The following PNKD variants were observed in gnomAD, a reference collection of about 807,000 sequenced individuals.
The protein encoded by PNKD is probable thioesterase PNKD.
In PNKD, 36 loss-of-function variants were observed where a neutral mutation model predicts 45.3. That is an observed-to-expected ratio of 0.80 (90% CI 0.61 to 1.05). The LOEUF is 1.05. Ranked by LOEUF, PNKD falls within the 50% of genes least tolerant of loss-of-function variation. The probability of loss-of-function intolerance (pLI) is 0.00; values close to 1 mark genes in which losing one functional copy is unlikely to be tolerated. For synonymous variants in PNKD, 197 were observed against 210.1 expected (o/e 0.94, Z 0.54); for missense variants, 511 against 506.6 (o/e 1.01, Z -0.08).
chr2:218,275,528 CTG>C (rs1691101117), intron 2 of PNKD: 1 of 1,614,152 alleles, frequency 6.2e-7, no homozygotes, highest in South Asian at 1.1e-5. Context: ...TAGATGATGT[CTG>C]TGTAAATCTG....
chr2:218,342,698 A>G (rs979956208), intron 7 of PNKD, among the ~76,000 whole-genome samples: 1 of 152,076 alleles, frequency 6.6e-6, no homozygotes, highest in Non-Finnish European at 1.5e-5. Context: ...AGACTCTGTC[A>G]CAAAACAGAA....
At chr2:218,301,383 A>C (rs778948909) in intron 2 of PNKD, among the ~76,000 whole-genome samples, 1 of 152,162 alleles carries the variant, frequency 6.6e-6, no homozygotes, top group Non-Finnish European at 1.5e-5. Flanking sequence ...CGTTCCATTT[A>C]CTTTTAACAA....
At chr2:218,290,429 C>G (rs1692858497) in intron 2 of PNKD, among the ~76,000 whole-genome samples, 2 of 152,230 alleles carry the variant, frequency 1.3e-5, no homozygotes, top group Admixed American at 6.5e-5. Context: ...CTTATAACCT[C>G]TGTGCGTACA....
chr2:218,341,742 T>G (rs1208542416), intron 6 of PNKD, 116 bp downstream of exon 6: 1 of 852,426 alleles, frequency 1.2e-6, no homozygotes, highest in Non-Finnish European at 2.0e-6. Context: ...GTGCCCTTCC[T>G]GGCCCAATCC....
chr2:218,270,618 C>G lies in PNKD; in HGVS notation c.67+16C>G, dbSNP rs974978157. ...GTCCTCCGGGGTAAGGAGAGGGACC[C>G]CGGGGAGGGCAGGACTGCAGAAGAT... On this transcript the variant is annotated intron_variant, in intron 1 of 9. Transcript: ENST00000273077. 11 of 836,606 alleles carry G rather than the reference C, an allele frequency of 1.3e-5. No individual in the cohort carries two copies. Among genetic ancestry groups the G allele is most frequent in the African/African-American group, 3.5e-5 (2 of 56,792 alleles). The allele number at this position is 836,606 out of a possible 1,614,324, so 51.8% of individuals were successfully genotyped here. A position where few individuals can be genotyped will look rare whatever the true frequency, so the allele number is the denominator to read the frequency against.
intron 2 of PNKD, chr2:218,323,530 T>C: frequency 7.2e-6 from 8 of 1,116,610 alleles, no homozygotes; most frequent in Non-Finnish European, 9.6e-6. Flanking sequence ...GGCGTGGCGG[T>C]TAGGAAGGGG....
chr2:218,319,578 A>G (rs2891075), intron 2 of PNKD, among the ~76,000 whole-genome samples: 89,586 of 150,968 alleles, frequency 0.59, 26,904 homozygotes, highest in South Asian at 0.68. Context: ...GTTTCACTGT[A>G]TTGGTCAGGC....
chr2:218,335,866 C>G (rs1266348082), intron 2 of PNKD, among the ~76,000 whole-genome samples: 1 of 152,170 alleles, frequency 6.6e-6, no homozygotes, highest in Non-Finnish European at 1.5e-5. Context: ...TAGCTCTCCC[C>G]TTAGGGGTCT....
At chr2:218,283,518 G>A (rs540619553) in intron 2 of PNKD, among the ~76,000 whole-genome samples, 2 of 152,242 alleles carry the variant, frequency 1.3e-5, no homozygotes, top group South Asian at 2.1e-4. Context: ...GTCTGGGCTC[G>A]ACAGGGCCAC....
At chr2:218,280,595 C>T (rs906197504) in intron 2 of PNKD, 23 of 214,512 alleles carry the variant, frequency 1.1e-4, no homozygotes, top group African/African-American at 2.8e-4. Context: ...AAAGGGTGTG[C>T]GTGACTGTGC....
intron 2 of PNKD, chr2:218,277,357 T>C (rs755384699): frequency 6.2e-7 from 1 of 1,612,628 alleles, no homozygotes; most frequent in Non-Finnish European, 8.5e-7. Flanking sequence ...GGGCCCTCCA[T>C]GCCCTCACCT....
chr2:218,341,584 G>A lies in PNKD; in HGVS notation c.575G>A (p.Arg192Gln), dbSNP rs777805823. ...CTCAGCCGGCGGCACCGGGACTGTC[G>A]GGTGTACGGGAGCCCTCAGGACGGC... ...RDLSRRHRDCRVYGSPQDGIP... is the reference protein window; with the variant it reads ...RDLSRRHRDCQVYGSPQDGIP... Residue 192 changes from arginine to glutamine, a missense_variant, in exon 6 of 10, where the codon CGG becomes CAG. By Grantham distance (43) the Arg-to-Gln change is conservative. Transcript: ENST00000273077. 8.8e-6 allele frequency: 14 copies of A among 1,597,720 alleles called. No homozygotes were observed. The highest frequency in any genetic ancestry group is 2.3e-5 in the East Asian group (1 of 43,930).
chr2:218,330,397 C>T (rs1404933313), intron 2 of PNKD, among the ~76,000 whole-genome samples: 1 of 152,226 alleles, frequency 6.6e-6, no homozygotes, highest in Non-Finnish European at 1.5e-5. Flanking sequence ...CAGTGGCTCA[C>T]TGTCCCCAGC....
intron 2 of PNKD, among the ~76,000 whole-genome samples, chr2:218,337,663 T>C (rs1263531525): frequency 6.6e-6 from 1 of 152,152 alleles, no homozygotes; most frequent in Non-Finnish European, 1.5e-5. Context: ...GCCTTGTACT[T>C]GCTTTGAGTC....
chr2:218,302,750 C>T (rs970854941), intron 2 of PNKD, among the ~76,000 whole-genome samples: 4 of 152,116 alleles, frequency 2.6e-5, no homozygotes, highest in Admixed American at 6.6e-5. Flanking sequence ...GCGACTATGG[C>T]CCTTGACACA....
chr2:218,330,283 C>CTTCT (rs1338555281), intron 2 of PNKD, among the ~76,000 whole-genome samples: 3 of 152,200 alleles, frequency 2.0e-5, no homozygotes, highest in Non-Finnish European at 2.9e-5. Context: ...AACCTTCAGG[C>CTTCT]TTCTCTCAGG....
At chr2:218,272,802 C>G in intron 2 of PNKD, 1 of 1,613,580 alleles carries the variant, frequency 6.2e-7, no homozygotes, top group Non-Finnish European at 8.5e-7. Context: ...CTGTTAAGTC[C>G]TCAGGTTTGG....
chr2:218,298,539 T>G (rs1380463108), intron 2 of PNKD, among the ~76,000 whole-genome samples: 4 of 152,128 alleles, frequency 2.6e-5, no homozygotes, highest in Non-Finnish European at 5.9e-5. Flanking sequence ...AAAATAGCAG[T>G]TGTCAAATGC....
At chr2:218,288,036 C>T (rs1393208249) in intron 2 of PNKD, among the ~76,000 whole-genome samples, 1 of 152,254 alleles carries the variant, frequency 6.6e-6, no homozygotes, top group African/African-American at 2.4e-5. Context: ...AGTCCCTGTT[C>T]ACTTCCTTCT....
Sources: allele counts gnomAD v4.1 joint callset (sites outside exome capture counted in the v4.1 genomes callset), GRCh38; gene constraint gnomAD v4.1.1; transcripts MANE v1.5; gene names NCBI Gene and HGNC (gene_info 2026-07-23, HGNC 2026-07-21).